DHRSX: variants seen among roughly 807,000 people sequenced by gnomAD.
DHRSX encodes polyprenol dehydrogenase.
A neutral mutation model predicts 34.0 loss-of-function variants in DHRSX; 31 were observed. The observed-to-expected ratio is 0.91, with a 90% CI of 0.69 to 1.23. DHRSX has a LOEUF of 1.23. DHRSX is among the 50% of genes most tolerant of loss of function. The probability of loss-of-function intolerance (pLI) is 0.00; values close to 1 mark genes in which losing one functional copy is unlikely to be tolerated. For missense variants in DHRSX, 414 were observed against 428.1 expected (o/e 0.97, Z 0.29); for synonymous variants, 201 against 183.8 (o/e 1.09, Z -0.76).
chrX:2,358,743 G>A (rs181604037), intron 3 of DHRSX, among the ~76,000 whole-genome samples: 4 of 152,080 alleles, frequency 2.6e-5, no homozygotes, highest in South Asian at 2.1e-4. Flanking sequence ...AGTAAATGGC[G>A]AATTTAAATC....
chrX:2,448,263 T>C (rs1473567743), intron 1 of DHRSX, among the ~76,000 whole-genome samples: 2 of 151,988 alleles, frequency 1.3e-5, no homozygotes, highest in Non-Finnish European at 2.9e-5. Context: ...GAGCCAGGAG[T>C]TGGAGGCTGC....
intron 3 of DHRSX, among the ~76,000 whole-genome samples, chrX:2,405,916 A>T (rs866693212): frequency 5.1e-4 from 52 of 102,620 alleles, no homozygotes; most frequent in Admixed American, 1.1e-3. Context: ...AAAAAAAAAA[A>T]AAATAAGGTA....
intron 4 of DHRSX, among the ~76,000 whole-genome samples, chrX:2,276,864 G>GA (rs1569483104): frequency 2.6e-4 from 14 of 53,098 alleles, no homozygotes; most frequent in Non-Finnish European, 3.8e-4. Context: ...AAACGAGAGG[G>GA]AGAGAGAAGG....
At chrX:2,238,605 C>T (rs1245335766) in intron 6 of DHRSX, among the ~76,000 whole-genome samples, 1 of 147,294 alleles carries the variant, frequency 6.8e-6, no homozygotes, top group African/African-American at 2.6e-5. Flanking sequence ...TTTTTTGAGA[C>T]GGAGTTTCAC....
At chrX:2,485,895 C>G (rs57048884) in intron 1 of DHRSX, among the ~76,000 whole-genome samples, 19,368 of 130,098 alleles carry the variant, frequency 0.15, 3,113 homozygotes, top group African/African-American at 0.37. Flanking sequence ...GAAGAAGAGA[C>G]AAGGATGGGA....
chrX:2,457,798 G>C (rs181287693), intron 1 of DHRSX, among the ~76,000 whole-genome samples: 1 of 139,400 alleles, frequency 7.2e-6, no homozygotes, highest in African/African-American at 2.7e-5. Context: ...GGACAGCCAC[G>C]GTGTGCACAC....
intron 3 of DHRSX, among the ~76,000 whole-genome samples, chrX:2,340,923 A>G (rs1440186132): frequency 6.6e-6 from 1 of 152,114 alleles, no homozygotes; most frequent in Non-Finnish European, 1.5e-5. Flanking sequence ...AGGAGACGCA[A>G]GCATTTGAGC....
At chrX:2,480,516 TAAAA>T (rs11361866) in intron 1 of DHRSX, among the ~76,000 whole-genome samples, 3 of 141,522 alleles carry the variant, frequency 2.1e-5, no homozygotes, top group Non-Finnish European at 4.6e-5. Flanking sequence ...ACCGCATCTT[TAAAA>T]AAAAAAAAAA....
intron 3 of DHRSX, among the ~76,000 whole-genome samples, chrX:2,308,136 A>G (rs62595546): frequency 0.99 from 150,147 of 152,254 alleles, 74,058 homozygotes; most frequent in African/African-American, 1. Context: ...TAGGAGCTAC[A>G]AAATGAGTGT....
At chrX:2,485,836 GGAA>G (rs1569506227) in intron 1 of DHRSX, among the ~76,000 whole-genome samples, 35 of 87,606 alleles carry the variant, frequency 4.0e-4, no homozygotes, top group Admixed American at 1.0e-3. Flanking sequence ...AGGGAGAGAA[GGAA>G]GGAAGGGAGA....
At chrX:2,458,289 C>A (rs1268543734) in intron 1 of DHRSX, among the ~76,000 whole-genome samples, 1 of 152,120 alleles carries the variant, frequency 6.6e-6, no homozygotes, top group African/African-American at 2.4e-5. Flanking sequence ...TGCAAAACAT[C>A]AGAGCAAAGA....
At chrX:2,311,565 CG>C (rs894589363) in intron 3 of DHRSX, among the ~76,000 whole-genome samples, 16 of 152,068 alleles carry the variant, frequency 1.1e-4, no homozygotes, top group Non-Finnish European at 1.8e-4. Context: ...TTGACCCACC[CG>C]CGAGGCAAAG....
intron 3 of DHRSX, among the ~76,000 whole-genome samples, chrX:2,365,096 A>G (rs2042981783): frequency 6.6e-6 from 1 of 152,192 alleles, no homozygotes; most frequent in Non-Finnish European, 1.5e-5. Flanking sequence ...AAATTGACAA[A>G]TGAGATCTCA....
intron 4 of DHRSX, among the ~76,000 whole-genome samples, chrX:2,283,952 ATTCCTTTG>A (rs2041768888): frequency 6.7e-6 from 1 of 148,620 alleles, no homozygotes; most frequent in Admixed American, 6.6e-5. Context: ...GAATTCACTC[ATTCCTTTG>A]AATTCACTCA....
intron 1 of DHRSX, among the ~76,000 whole-genome samples, chrX:2,431,890 C>T (rs1281844313): frequency 2.6e-5 from 4 of 152,066 alleles, no homozygotes; most frequent in African/African-American, 4.8e-5. Context: ...CATGTACCCC[C>T]GAACCTAAAA....
intron 1 of DHRSX, among the ~76,000 whole-genome samples, chrX:2,473,260 G>A (rs1269106912): frequency 2.0e-5 from 3 of 152,132 alleles, no homozygotes; most frequent in Non-Finnish European, 2.9e-5. Context: ...CAGACCACAC[G>A]GAAGGTGGAT....
chrX:2,424,807 T>A (rs5982797), intron 2 of DHRSX, among the ~76,000 whole-genome samples: 11,652 of 152,114 alleles, frequency 0.077, 1,261 homozygotes, highest in African/African-American at 0.24. Context: ...TGCATACATG[T>A]CTGAATCGAC....
intron 3 of DHRSX, among the ~76,000 whole-genome samples, chrX:2,346,566 C>T (rs1190103542): frequency 6.6e-6 from 1 of 152,028 alleles, no homozygotes; most frequent in African/African-American, 2.4e-5. Flanking sequence ...CTTCTCACAG[C>T]AAATCTAAGT....
At chrX:2,462,404 A>G (rs761774464) in intron 1 of DHRSX, among the ~76,000 whole-genome samples, 1 of 151,100 alleles carries the variant, frequency 6.6e-6, no homozygotes, top group South Asian at 2.1e-4. Context: ...ACATTTATAT[A>G]AAATTTAGTA....
Sources: gnomAD v4.1 joint callset for allele counts (sites outside exome capture counted in the v4.1 genomes callset) on GRCh38, gnomAD v4.1.1 for gene constraint, MANE v1.5 for transcripts, NCBI Gene and HGNC (gene_info 2026-07-23, HGNC 2026-07-21) for gene names.